The following SCMH1 variants were observed in gnomAD, a reference collection of about 807,000 sequenced individuals.
SCMH1 encodes polycomb protein SCMH1.
A neutral mutation model predicts 70.8 loss-of-function variants in SCMH1; 37 were observed. The observed-to-expected ratio is 0.52, with a 90% CI of 0.40 to 0.69. The LOEUF is 0.69. Ranked by LOEUF, SCMH1 falls within the 30% of genes least tolerant of loss-of-function variation. SCMH1 has a pLI of 0.00. For synonymous variants in SCMH1, 292 were observed against 307.4 expected (o/e 0.95, Z 0.52); for missense variants, 607 against 827.3 (o/e 0.73, Z 3.27).
intron 7 of SCMH1, among the ~76,000 whole-genome samples, chr1:41,115,092 A>G (rs1046828609): frequency 2.0e-5 from 3 of 152,316 alleles, no homozygotes; most frequent in South Asian, 2.1e-4. Context: ...CATTGCTATC[A>G]TAAGTGGCAT....
intron 8 of SCMH1, among the ~76,000 whole-genome samples, chr1:41,105,882 T>G (rs1253789528): frequency 6.6e-6 from 1 of 152,062 alleles, no homozygotes; most frequent in Admixed American, 6.5e-5. Flanking sequence ...TGATAGTTTT[T>G]TTTTTTTTTT....
intron 1 of SCMH1, among the ~76,000 whole-genome samples, chr1:41,197,424 T>G (rs1653289131): frequency 6.6e-6 from 1 of 152,106 alleles, no homozygotes; most frequent in African/African-American, 2.4e-5. Context: ...CTGTGCTAAG[T>G]GAAACTGGCC....
At chr1:41,041,912 T>G (rs893271954) in intron 12 of SCMH1, among the ~76,000 whole-genome samples, 1 of 152,104 alleles carries the variant, frequency 6.6e-6, no homozygotes, top group Non-Finnish European at 1.5e-5. Context: ...AACTTAATAG[T>G]CACTGGGACC....
At chr1:41,122,735 AT>A in intron 6 of SCMH1, among the ~76,000 whole-genome samples, 1 of 152,332 alleles carries the variant, frequency 6.6e-6, no homozygotes, top group African/African-American at 2.4e-5. Flanking sequence ...CTAAGTTAAT[AT>A]TACAAAGTCA....
At chr1:41,199,637 A>G (rs1653824383) in intron 1 of SCMH1, among the ~76,000 whole-genome samples, 1 of 150,266 alleles carries the variant, frequency 6.7e-6, no homozygotes, top group Non-Finnish European at 1.5e-5. Flanking sequence ...CAGAAAACCA[A>G]GTATCACATG....
At chr1:41,227,752 C>A (rs1043984164) in intron 1 of SCMH1, among the ~76,000 whole-genome samples, 1 of 152,048 alleles carries the variant, frequency 6.6e-6, no homozygotes, top group African/African-American at 2.4e-5. Context: ...GAAGCCGAGG[C>A]GGGCAGATCA....
chr1:41,221,679 G>T (rs1215648779), intron 1 of SCMH1, among the ~76,000 whole-genome samples: 1 of 151,624 alleles, frequency 6.6e-6, no homozygotes, highest in African/African-American at 2.4e-5. Context: ...CTTGAGGCCA[G>T]GAGTTCAAGA....
intron 8 of SCMH1, among the ~76,000 whole-genome samples, chr1:41,095,369 T>C (rs1664790361): frequency 6.6e-6 from 1 of 152,236 alleles, no homozygotes; most frequent in Non-Finnish European, 1.5e-5. Flanking sequence ...ATATACTATG[T>C]GCAGTCTTTT....
At chr1:41,233,595 G>C (rs1457416078) in intron 1 of SCMH1, among the ~76,000 whole-genome samples, 1 of 152,082 alleles carries the variant, frequency 6.6e-6, no homozygotes, top group Non-Finnish European at 1.5e-5. Context: ...AGAACTGATA[G>C]ACTGAATCAC....
intron 8 of SCMH1, among the ~76,000 whole-genome samples, chr1:41,085,643 G>A (rs1661391415): frequency 6.6e-6 from 1 of 152,122 alleles, no homozygotes; most frequent in Admixed American, 6.5e-5. Flanking sequence ...GACACATGTG[G>A]CTCCTGAGCA....
At chr1:41,197,809 G>A (rs1294818139) in intron 1 of SCMH1, among the ~76,000 whole-genome samples, 3 of 152,180 alleles carry the variant, frequency 2.0e-5, no homozygotes, top group Admixed American at 6.5e-5. Flanking sequence ...CCAATCTTGA[G>A]CCACAGAATT....
intron 2 of SCMH1, among the ~76,000 whole-genome samples, chr1:41,172,574 G>GA (rs367965143): frequency 0.017 from 2,520 of 150,218 alleles, 28 homozygotes; most frequent in South Asian, 0.031. Context: ...CACAAAAATA[G>GA]AAAAAAAAAC....
chr1:41,116,855 G>T, intron 7 of SCMH1, 67 bp downstream of exon 7: 1 of 1,257,820 alleles, frequency 8.0e-7, no homozygotes, highest in Non-Finnish European at 1.1e-6. Context: ...AAGTAAATGT[G>T]GACATCAAAG....
At position 41,033,316 on chromosome 1, in the gene SCMH1, G is replaced by T. The variant is rs529848847; in HGVS notation, c.1678+4046C>A. On this transcript the variant is annotated intron_variant, in intron 13 of 14. Transcript: ENST00000337495. ...AAAAAAAAGGAGGCCATTATGATAA[G>T]CCAGGCAAGAGACCACTGTGGCATG... Among the ~76,000 whole-genome samples, 3 of 151,806 alleles carry T rather than the reference G, an allele frequency of 2.0e-5. No individual in the cohort carries two copies. The East Asian group carries it at 5.8e-4, about 29-fold the overall frequency.
intron 4 of SCMH1, chr1:41,152,833 G>C: frequency 1.6e-6 from 2 of 1,271,720 alleles, no homozygotes; most frequent in Non-Finnish European, 2.1e-6. Flanking sequence ...TATAGCTTCT[G>C]TTTTATAACT....
intron 1 of SCMH1, among the ~76,000 whole-genome samples, chr1:41,224,399 T>C (rs1013522565): frequency 4.6e-5 from 7 of 152,232 alleles, no homozygotes; most frequent in African/African-American, 9.6e-5. Flanking sequence ...TTAGTGATTA[T>C]TGTATCTCCA....
At chr1:41,226,149 T>G (rs958314207) in intron 1 of SCMH1, among the ~76,000 whole-genome samples, 1 of 152,242 alleles carries the variant, frequency 6.6e-6, no homozygotes, top group Non-Finnish European at 1.5e-5. Context: ...TAATTTTATG[T>G]CATTAAATCT....
chr1:41,197,909 T>A (rs541091081), intron 1 of SCMH1, among the ~76,000 whole-genome samples: 7 of 152,310 alleles, frequency 4.6e-5, no homozygotes, highest in Non-Finnish European at 8.8e-5. Context: ...CATCTTCTAA[T>A]AAACATATTC....
chr1:41,203,915 C>T (rs1654928304), intron 1 of SCMH1, among the ~76,000 whole-genome samples: 1 of 152,182 alleles, frequency 6.6e-6, no homozygotes, highest in Non-Finnish European at 1.5e-5. Context: ...GCTCTGAAGG[C>T]TGTGAGACCC....
Sources: gnomAD v4.1 joint callset for allele counts (sites outside exome capture counted in the v4.1 genomes callset) on GRCh38, gnomAD v4.1.1 for gene constraint, MANE v1.5 for transcripts, NCBI Gene and HGNC (gene_info 2026-07-23, HGNC 2026-07-21) for gene names.